Variants in BCHE observed in about 807,000 individuals in gnomAD.
BCHE encodes butyrylcholinesterase, also known as cholinesterase.
Under a neutral mutation model 51.3 loss-of-function variants are expected in BCHE, and 48 were observed. The observed-to-expected ratio is 0.94, with a 90% CI of 0.74 to 1.19. BCHE has a LOEUF of 1.19. Among genes scored for constraint, BCHE ranks in the 50% most tolerant of loss-of-function variants. The probability of loss-of-function intolerance (pLI) is 0.00; values close to 1 mark genes in which losing one functional copy is unlikely to be tolerated. For synonymous variants in BCHE, 251 were observed against 238.0 expected (o/e 1.05, Z -0.50); for missense variants, 847 against 708.2 (o/e 1.20, Z -2.23).
chr3:165,773,801 C>A lies in BCHE; in HGVS notation c.1685-295G>T, dbSNP rs577973677. 1.9e-4 allele frequency among the ~76,000 whole-genome samples: 28 copies of A among 149,698 alleles called. No individual in the cohort carries two copies. The East Asian group carries it at 3.1e-3, about 17-fold the overall frequency. On this transcript the variant is annotated intron_variant, in intron 3 of 3. Transcript: ENST00000264381. ...TGTATAATTACATTACATATATTTT[C>A]TTTAGTTTTCAAGAGGATATGTAGA...
chr3:165,799,697 T>A (rs943282905), intron 2 of BCHE, among the ~76,000 whole-genome samples: 1 of 152,114 alleles, frequency 6.6e-6, no homozygotes, highest in African/African-American at 2.4e-5. Context: ...TTTTTCAAAG[T>A]GAGCATTGAA....
At chr3:165,808,478 T>TA (rs1713957014) in intron 2 of BCHE, among the ~76,000 whole-genome samples, 1 of 152,220 alleles carries the variant, frequency 6.6e-6, no homozygotes, top group African/African-American at 2.4e-5. Context: ...TAGCTGTTGA[T>TA]ATGTTTAATT....
intron 3 of BCHE, among the ~76,000 whole-genome samples, chr3:165,783,665 A>C (rs1016197306): frequency 9.2e-5 from 14 of 152,048 alleles, no homozygotes. Context: ...TTTTTTCTTC[A>C]TTAGGATAAT....
At chr3:165,834,410 G>T (rs1715111612) in intron 1 of BCHE, among the ~76,000 whole-genome samples, 1 of 151,898 alleles carries the variant, frequency 6.6e-6, no homozygotes. Flanking sequence ...TTGCAAAAAT[G>T]ACAATATAAT....
chr3:165,791,224 G>A (rs1713151867), intron 2 of BCHE, among the ~76,000 whole-genome samples: 1 of 150,910 alleles, frequency 6.6e-6, no homozygotes, highest in African/African-American at 2.4e-5. Context: ...GAACCCGGGA[G>A]GTGGAGGTTG....
intron 2 of BCHE, among the ~76,000 whole-genome samples, chr3:165,791,409 T>C (rs921455228): frequency 2.6e-5 from 4 of 152,182 alleles, no homozygotes; most frequent in African/African-American, 7.2e-5. Flanking sequence ...AGGAGGCTAC[T>C]AAAATAATTT....
rs143758682 is a variant in BCHE, at chr3:165,820,291, A to G, written c.1517+9226T>C. On this transcript the variant is annotated intron_variant, in intron 2 of 3. Transcript: ENST00000264381. ...GAAATGGTTCTGAAAGTGATCTTAT[A>G]TACACTTTAAATTGTCTCATAACAC... 5.8e-4 allele frequency among the ~76,000 whole-genome samples: 89 copies of G among 152,178 alleles called. No homozygotes were observed. The East Asian group carries it at 0.017, about 29-fold the overall frequency.
intron 2 of BCHE, among the ~76,000 whole-genome samples, chr3:165,808,891 C>T (rs993503018): frequency 7.2e-5 from 11 of 152,050 alleles, no homozygotes; most frequent in African/African-American, 2.4e-4. Flanking sequence ...CTACAAAACA[C>T]GGGCATATAC....
chr3:165,789,856 G>A (rs1560006196), intron 2 of BCHE, among the ~76,000 whole-genome samples: 1 of 152,058 alleles, frequency 6.6e-6, no homozygotes, highest in East Asian at 1.9e-4. Flanking sequence ...TATAAAGTGT[G>A]TACTAGATCA....
chr3:165,782,952 C>G (rs1219988126), intron 3 of BCHE, among the ~76,000 whole-genome samples: 2 of 151,962 alleles, frequency 1.3e-5, no homozygotes, highest in Non-Finnish European at 2.9e-5. Context: ...AATACCAGCA[C>G]CTTAGTGGTT....
intron 2 of BCHE, among the ~76,000 whole-genome samples, chr3:165,824,718 T>C (rs1474763579): frequency 6.6e-6 from 1 of 152,054 alleles, no homozygotes; most frequent in Non-Finnish European, 1.5e-5. Flanking sequence ...AAATCAAGTG[T>C]ATATTTAGAT....
chr3:165,786,539 T>C (rs1397698525), intron 2 of BCHE, among the ~76,000 whole-genome samples: 1 of 151,832 alleles, frequency 6.6e-6, no homozygotes, highest in Non-Finnish European at 1.5e-5. Flanking sequence ...TTGAATTTTT[T>C]ATATGCATTT....
chr3:165,835,266 C>A (rs1446332838), intron 1 of BCHE, among the ~76,000 whole-genome samples: 2 of 151,286 alleles, frequency 1.3e-5, no homozygotes, highest in African/African-American at 4.9e-5. Context: ...ACAAAAAATA[C>A]TAAATGTTAT....
chr3:165,811,647 A>T (rs1714100679), intron 2 of BCHE, among the ~76,000 whole-genome samples: 1 of 152,014 alleles, frequency 6.6e-6, no homozygotes, highest in Non-Finnish European at 1.5e-5. Flanking sequence ...TTTTTAATTT[A>T]TAAATTTCAA....
intron 2 of BCHE, among the ~76,000 whole-genome samples, chr3:165,798,508 A>G (rs1026687671): frequency 6.6e-6 from 1 of 152,214 alleles, no homozygotes; most frequent in Non-Finnish European, 1.5e-5. Flanking sequence ...CAATTTTATT[A>G]TTCAGATTAT....
Position 165,830,249 on chromosome 3 carries a change from G to A in BCHE, c.785C>T (p.Thr262Ile), listed in dbSNP as rs759334506. ...TCTGTTCCTAGCTTCATAAAGAGAT[G>A]TTACCGCCCAAGGAGCATTAAAGGA... ...SGSFNAPWAVTSLYEARNRTL... is the reference protein window; with the variant it reads ...SGSFNAPWAVISLYEARNRTL... Residue 262 changes from threonine to isoleucine, a missense_variant, in exon 2 of 4, where the codon ACA becomes ATA. Physicochemically the swap from Thr to Ile is moderately conservative, Grantham distance 89. Coordinates refer to ENST00000264381, the MANE Select transcript of BCHE (RefSeq NM_000055.4). The A allele has an allele frequency of 6.2e-7, 1 of 1,613,990 alleles. No individual in the cohort carries two copies. Among genetic ancestry groups the A allele is most frequent in the Non-Finnish European group, 8.5e-7 (1 of 1,179,922 alleles).
chr3:165,788,932 C>A (rs1231765533), intron 2 of BCHE, among the ~76,000 whole-genome samples: 2 of 152,080 alleles, frequency 1.3e-5, no homozygotes, highest in Non-Finnish European at 2.9e-5. Flanking sequence ...TTGAAGAAAT[C>A]TCCAAAGACT....
intron 3 of BCHE, among the ~76,000 whole-genome samples, chr3:165,781,026 G>T (rs1712677233): frequency 6.6e-6 from 1 of 152,096 alleles, no homozygotes; most frequent in South Asian, 2.1e-4. Flanking sequence ...TGGATCACCT[G>T]AGGTCAGGGG....
rs563992981 is a variant in BCHE at position 165,815,043 on chromosome 3, G to A, written c.1517+14474C>T. 4.0e-5 allele frequency among the ~76,000 whole-genome samples: 6 copies of A among 148,420 alleles called. No individual in the cohort carries two copies. In the East Asian group the frequency reaches 1.2e-3, roughly 29 times the overall value. On this transcript the variant is annotated intron_variant, in intron 2 of 3. Transcript: ENST00000264381. ...TTCATACCAATATATGTTAGTATTA[G>A]TATCATACTTATATATTTAAAACAA...
Sources: allele counts gnomAD v4.1 joint callset (sites outside exome capture counted in the v4.1 genomes callset), GRCh38; gene constraint gnomAD v4.1.1; transcripts MANE v1.5; gene names NCBI Gene and HGNC (gene_info 2026-07-23, HGNC 2026-07-21).